DGKB: variants seen among roughly 807,000 people sequenced by gnomAD.
The protein encoded by DGKB is diacylglycerol kinase beta.
In DGKB, 67 loss-of-function variants were observed where a neutral mutation model predicts 114.3. The ratio of observed to expected loss-of-function variants is 0.59; its 90% CI spans 0.48 to 0.72. The LOEUF is 0.72. DGKB is among the 30% of genes least tolerant of loss of function. DGKB has a pLI of 0.00. For missense variants in DGKB, 907 were observed against 975.2 expected (o/e 0.93, Z 0.93); for synonymous variants, 398 against 323.1 (o/e 1.23, Z -2.49).
intron 20 of DGKB, among the ~76,000 whole-genome samples, chr7:14,558,609 C>T (rs1168029074): frequency 1.3e-5 from 2 of 152,012 alleles, no homozygotes; most frequent in Non-Finnish European, 2.9e-5. Context: ...CATGGATATT[C>T]CAGAAAACAC....
intron 5 of DGKB, among the ~76,000 whole-genome samples, chr7:14,728,828 G>A (rs536977595): frequency 6.0e-5 from 9 of 150,950 alleles, no homozygotes; most frequent in African/African-American, 1.9e-4. Flanking sequence ...TCAGCCTCCC[G>A]AGTAACTAGG....
chr7:14,958,575 T>C (rs931924435), intron 1 of DGKB, among the ~76,000 whole-genome samples: 5 of 152,064 alleles, frequency 3.3e-5, no homozygotes, highest in African/African-American at 1.2e-4. Flanking sequence ...ATTGGCTTTA[T>C]GACCAAATGT....
At chr7:14,232,802 T>C (rs1002368673) in intron 23 of DGKB, among the ~76,000 whole-genome samples, 2 of 152,052 alleles carry the variant, frequency 1.3e-5, no homozygotes, top group African/African-American at 4.8e-5. Flanking sequence ...GAAGAGGTAC[T>C]TGTAAGACAA....
chr7:14,889,118 A>G (rs1780771927), intron 1 of DGKB, among the ~76,000 whole-genome samples: 1 of 151,668 alleles, frequency 6.6e-6, no homozygotes, highest in African/African-American at 2.4e-5. Flanking sequence ...GAGGACCATG[A>G]CTCAGCTATG....
At chr7:14,418,376 T>TAC in intron 21 of DGKB, among the ~76,000 whole-genome samples, 1 of 72,230 alleles carries the variant, frequency 1.4e-5, no homozygotes, top group South Asian at 5.0e-4. Context: ...TGTGTGTATA[T>TAC]ATATATATAT....
intron 20 of DGKB, among the ~76,000 whole-genome samples, chr7:14,530,156 GTT>G (rs1481456434): frequency 5.3e-5 from 8 of 151,462 alleles, no homozygotes; most frequent in Non-Finnish European, 1.2e-4. Context: ...TTAAGGCTGT[GTT>G]TTTTAAAGTA....
At chr7:14,335,324 A>C (rs1192059918) in intron 23 of DGKB, among the ~76,000 whole-genome samples, 1 of 152,204 alleles carries the variant, frequency 6.6e-6, no homozygotes, top group East Asian at 1.9e-4. Context: ...AAAACAAATT[A>C]AATCCTTTTA....
chr7:14,750,728 T>C (rs549242528), intron 4 of DGKB, among the ~76,000 whole-genome samples: 47 of 152,026 alleles, frequency 3.1e-4, no homozygotes, highest in South Asian at 1.9e-3. Context: ...TTTACCAAAA[T>C]GTCTAGATTT....
intron 20 of DGKB, among the ~76,000 whole-genome samples, chr7:14,485,651 C>A (rs1783691067): frequency 6.6e-6 from 1 of 151,962 alleles, no homozygotes; most frequent in Non-Finnish European, 1.5e-5. Context: ...GTAATCCCAG[C>A]ACTTTGGGAG....
intron 23 of DGKB, among the ~76,000 whole-genome samples, chr7:14,314,147 A>C (rs1805990629): frequency 6.6e-6 from 1 of 152,140 alleles, no homozygotes; most frequent in African/African-American, 2.4e-5. Context: ...ACCATCATCA[A>C]AGACCAAAAG....
intron 13 of DGKB, among the ~76,000 whole-genome samples, chr7:14,661,984 T>G (rs990955976): frequency 1.3e-5 from 2 of 151,908 alleles, no homozygotes; most frequent in Non-Finnish European, 2.9e-5. Flanking sequence ...ATATTCTCAC[T>G]CATAGGTGGG....
At chr7:14,702,898 A>C (rs1825458160) in intron 6 of DGKB, among the ~76,000 whole-genome samples, 1 of 152,326 alleles carries the variant, frequency 6.6e-6, no homozygotes, top group Admixed American at 6.5e-5. Context: ...TGTCACTATA[A>C]TATTATATTT....
chr7:14,763,131 G>T (rs1835942048), intron 2 of DGKB, among the ~76,000 whole-genome samples: 1 of 152,030 alleles, frequency 6.6e-6, no homozygotes, highest in Admixed American at 6.6e-5. Flanking sequence ...ATCATCCCAT[G>T]ATTTTAGAGC....
intron 9 of DGKB, 22 bp from the exon 10 acceptor site, chr7:14,685,384 CAG>C (rs1821510000): frequency 6.5e-7 from 1 of 1,527,500 alleles, no homozygotes; most frequent in African/African-American, 1.4e-5. Context: ...GTAAGAGAAA[CAG>C]ATTTCACTTA....
intron 1 of DGKB, among the ~76,000 whole-genome samples, chr7:14,951,925 G>A (rs1191077141): frequency 6.6e-6 from 1 of 151,914 alleles, no homozygotes; most frequent in Non-Finnish European, 1.5e-5. Flanking sequence ...CTAAATAAAA[G>A]GAAAGATATG....
At chr7:14,180,785 T>C (rs1418770897) in intron 23 of DGKB, among the ~76,000 whole-genome samples, 1 of 152,200 alleles carries the variant, frequency 6.6e-6, no homozygotes, top group Non-Finnish European at 1.5e-5. Flanking sequence ...AGAGAGTTTC[T>C]ATCTATGCAA....
At chr7:14,728,634 G>C (rs927945436) in intron 5 of DGKB, among the ~76,000 whole-genome samples, 2 of 151,438 alleles carry the variant, frequency 1.3e-5, no homozygotes, top group African/African-American at 4.9e-5. Context: ...TCCTATCTTA[G>C]TTTAAGTGAA....
At chr7:14,530,607 C>A (rs1333282256) in intron 20 of DGKB, among the ~76,000 whole-genome samples, 1 of 151,378 alleles carries the variant, frequency 6.6e-6, no homozygotes, top group Admixed American at 6.6e-5. Flanking sequence ...ATTGGGATTT[C>A]CATGAAAATA....
chr7:14,414,440 G>A (rs6957588), intron 21 of DGKB, among the ~76,000 whole-genome samples: 144,711 of 152,214 alleles, frequency 0.95, 68,925 homozygotes, highest in Non-Finnish European at 0.98. Context: ...TACAGCTGCA[G>A]AACAGCCCTT....
Sources: gnomAD v4.1 joint callset for allele counts (sites outside exome capture counted in the v4.1 genomes callset) on GRCh38, gnomAD v4.1.1 for gene constraint, MANE v1.5 for transcripts, NCBI Gene and HGNC (gene_info 2026-07-23, HGNC 2026-07-21) for gene names.